The following ZSWIM6 variants were observed in gnomAD, a reference collection of about 807,000 sequenced individuals.
ZSWIM6 encodes zinc finger SWIM domain-containing protein 6.
A neutral mutation model predicts 113.2 loss-of-function variants in ZSWIM6; 9 were observed. The ratio of observed to expected loss-of-function variants is 0.08; its 90% confidence interval spans 0.05 to 0.14. The LOEUF (loss-of-function observed/expected upper bound fraction) is 0.14. ZSWIM6 is among the 10% of genes least tolerant of loss of function. The probability of loss-of-function intolerance (pLI) is 1.00; values close to 1 mark genes in which losing one functional copy is unlikely to be tolerated. For synonymous variants in ZSWIM6, 611 were observed against 606.5 expected (o/e 1.01, Z -0.11); for missense variants, 1,162 against 1,552.2 (o/e 0.75, Z 4.22).
intron 1 of ZSWIM6, among the ~76,000 whole-genome samples, chr5:61,345,298 T>C (rs989284551): frequency 6.6e-5 from 10 of 152,246 alleles, no homozygotes; most frequent in African/African-American, 2.4e-4. Flanking sequence ...AACTTACTGT[T>C]CATTTTTGTA....
At position 61,419,183 on chromosome 5, in the gene ZSWIM6, G is replaced by A. The variant is rs567647304; in HGVS notation, c.677-53498G>A. On this transcript the variant is annotated intron_variant, in intron 1 of 13. Transcript: ENST00000252744. Reference sequence around the variant, plus strand: ...TAGTAATGAATTTTCTCTCAGGAAAGCCATTGTGGCCTATAGATTAAAGTT... The same window carrying A: ...TAGTAATGAATTTTCTCTCAGGAAAACCATTGTGGCCTATAGATTAAAGTT... Among the ~76,000 whole-genome samples, 51 of 152,326 alleles carry A rather than the reference G, an allele frequency of 3.3e-4. 2 individuals are homozygous for A. The South Asian group carries it at 7.9e-3, about 24-fold the overall frequency.
chr5:61,458,247 C>A (rs1450763244), intron 1 of ZSWIM6, among the ~76,000 whole-genome samples: 9 of 151,866 alleles, frequency 5.9e-5, no homozygotes, highest in Non-Finnish European at 1.2e-4. Flanking sequence ...TTATTATAAA[C>A]CAAAGAAAAA....
At chr5:61,344,901 A>G (rs1434188804) in intron 1 of ZSWIM6, among the ~76,000 whole-genome samples, 1 of 152,256 alleles carries the variant, frequency 6.6e-6, no homozygotes, top group East Asian at 1.9e-4. Flanking sequence ...TTTTTTCTGA[A>G]ATAGGATGTA....
At chr5:61,513,123 A>G (rs1050571911) in intron 4 of ZSWIM6, among the ~76,000 whole-genome samples, 1 of 152,074 alleles carries the variant, frequency 6.6e-6, no homozygotes, top group Non-Finnish European at 1.5e-5. Context: ...TGCTGTTCCT[A>G]TTCATCTCTT....
chr5:61,332,397 G>A lies in ZSWIM6; in HGVS notation c.125G>A (p.Cys42Tyr). Reference sequence around the variant, plus strand: ...GCGGGTGGCGGCTACAGCTCTGCCTGTCGGCCAGGCCCGCGGGCGGGTGGC... The same window carrying A: ...GCGGGTGGCGGCTACAGCTCTGCCTATCGGCCAGGCCCGCGGGCGGGTGGC... ...GGAGGGYSSACRPGPRAGGAA... is the reference protein window; with the variant it reads ...GGAGGGYSSAYRPGPRAGGAA... The change falls in exon 1 of 14, where the codon TGT becomes TAT. Residue 42 changes from cysteine to tyrosine, a missense_variant. Around this residue, in one of 4 missense-constraint regions of ZSWIM6, gnomAD observed 333 missense variants for 293.4 expected, o/e 1.13. Transcript: ENST00000252744. The A allele has an allele frequency of 2.0e-6, 2 of 989,544 alleles. No homozygotes were observed. Among genetic ancestry groups the A allele is most frequent in the Non-Finnish European group, 2.4e-6 (2 of 834,132 alleles). The allele number at this position is 989,544 out of a possible 1,614,324, so 61.3% of individuals were successfully genotyped here.
At chr5:61,532,378 C>T (rs192916081) in intron 9 of ZSWIM6, among the ~76,000 whole-genome samples, 5 of 152,260 alleles carry the variant, frequency 3.3e-5, no homozygotes, top group Admixed American at 3.3e-4. Flanking sequence ...GATTTTTTCC[C>T]CTCTGAAAAG....
intron 2 of ZSWIM6, among the ~76,000 whole-genome samples, chr5:61,478,179 A>G (rs1747757065): frequency 1.3e-5 from 2 of 152,212 alleles, no homozygotes; most frequent in Non-Finnish European, 1.5e-5. Context: ...GATGGTCTAT[A>G]TAATTAGCAA....
intron 1 of ZSWIM6, among the ~76,000 whole-genome samples, chr5:61,386,528 T>G (rs1745596042): frequency 6.6e-6 from 1 of 152,162 alleles, no homozygotes; most frequent in Admixed American, 6.5e-5. Context: ...AGTCAATGGT[T>G]AATGGTTTTT....
In ZSWIM6 at chr5:61,513,120, C is replaced by A. The variant is rs1309724135; in HGVS notation, c.1334-8143C>A. 2.2e-4 allele frequency among the ~76,000 whole-genome samples: 34 copies of A among 152,018 alleles called. 1 individual carries two copies. Among genetic ancestry groups the A allele is most frequent in the Admixed American group, 2.2e-3 (34 of 15,246 alleles). The stretch of plus-strand genomic sequence containing the variant: ...TATGCTAAAAATTCTCTATGCTGTT[C>A]CTATTCATCTCTTCCTGCACCCAAA... On this transcript the variant is annotated intron_variant, in intron 4 of 13. Coordinates refer to ENST00000252744, the MANE Select transcript of ZSWIM6 (RefSeq NM_020928.2).
intron 1 of ZSWIM6, among the ~76,000 whole-genome samples, chr5:61,442,313 A>C (rs950693161): frequency 3.3e-5 from 5 of 152,108 alleles, no homozygotes; most frequent in African/African-American, 9.7e-5. Flanking sequence ...GTTCTGTGGG[A>C]CAGTTGGGCC....
intron 1 of ZSWIM6, among the ~76,000 whole-genome samples, chr5:61,403,931 T>C (rs1256449935): frequency 6.6e-6 from 1 of 152,228 alleles, no homozygotes; most frequent in African/African-American, 2.4e-5. Flanking sequence ...AGTTTAACTG[T>C]AGTCTTGTCT....
intron 1 of ZSWIM6, among the ~76,000 whole-genome samples, chr5:61,423,235 C>T (rs1360867253): frequency 6.6e-6 from 1 of 151,970 alleles, no homozygotes; most frequent in East Asian, 1.9e-4. Flanking sequence ...AGTGAAACCC[C>T]GTCTCTACTA....
rs892472867 is a variant in ZSWIM6, at chr5:61,338,643, T to C, written c.676+5695T>C. 1.3e-4 allele frequency among the ~76,000 whole-genome samples: 20 copies of C among 152,332 alleles called. 1 individual carries two copies. Among genetic ancestry groups the C allele is most frequent in the Admixed American group, 1.0e-3 (16 of 15,300 alleles). ...TTCTCTGAAGGATAATATTGCTCCATTGAGAAAATCTAAAATGTTCAAGAG... is the reference window on the plus strand; with the variant it reads ...TTCTCTGAAGGATAATATTGCTCCACTGAGAAAATCTAAAATGTTCAAGAG... On this transcript the variant is annotated intron_variant, in intron 1 of 13. Coordinates refer to ENST00000252744, the MANE Select transcript of ZSWIM6 (RefSeq NM_020928.2).
intron 11 of ZSWIM6, among the ~76,000 whole-genome samples, chr5:61,539,391 A>C (rs1749669573): frequency 6.6e-6 from 1 of 152,192 alleles, no homozygotes. Flanking sequence ...GCCGAGATTC[A>C]CAGACATTGC....
At chr5:61,399,674 G>T (rs1579976373) in intron 1 of ZSWIM6, among the ~76,000 whole-genome samples, 2 of 152,182 alleles carry the variant, frequency 1.3e-5, no homozygotes, top group South Asian at 4.1e-4. Flanking sequence ...ATTACAAAAA[G>T]AAATGAAAAA....
At chr5:61,540,916 GTTTTTTTTTTT>G (rs34749703) in intron 12 of ZSWIM6, among the ~76,000 whole-genome samples, 1 of 94,590 alleles carries the variant, frequency 1.1e-5, no homozygotes, top group African/African-American at 5.2e-5. Flanking sequence ...TATTTTGTGG[GTTTTTTTTTTT>G]TTTTTTTTTT....
chr5:61,518,340 T>C (rs961270981), intron 4 of ZSWIM6, among the ~76,000 whole-genome samples: 8 of 151,778 alleles, frequency 5.3e-5, no homozygotes, highest in Non-Finnish European at 1.0e-4. Flanking sequence ...TATTTCTAGT[T>C]CTAGATCCCT....
At chr5:61,459,808 A>G (rs1747285917) in intron 1 of ZSWIM6, among the ~76,000 whole-genome samples, 1 of 152,036 alleles carries the variant, frequency 6.6e-6, no homozygotes, top group Non-Finnish European at 1.5e-5. Flanking sequence ...TATAGAATAA[A>G]CTCCAATGCA....
At chr5:61,476,452 T>A (rs1747708207) in intron 2 of ZSWIM6, among the ~76,000 whole-genome samples, 1 of 152,220 alleles carries the variant, frequency 6.6e-6, no homozygotes, top group South Asian at 2.1e-4. Context: ...GTGGACCTTT[T>A]AACATTTCAA....
Sources: gnomAD v4.1 joint callset for allele counts (sites outside exome capture counted in the v4.1 genomes callset) on GRCh38, gnomAD v4.1.1 for gene constraint, gnomAD v4.1.1 regional missense constraint, MANE v1.5 for transcripts, NCBI Gene and HGNC (gene_info 2026-07-23, HGNC 2026-07-21) for gene names.